Variants in FHIT observed in about 807,000 individuals in gnomAD.
The protein encoded by FHIT is fragile histidine triad diadenosine triphosphatase, also known as bis(5'-adenosyl)-triphosphatase.
A neutral mutation model predicts 17.9 loss-of-function variants in FHIT; 19 were observed. The ratio of observed to expected loss-of-function variants is 1.06; its 90% CI spans 0.74 to 1.56. FHIT has a LOEUF of 1.56. Ranked by LOEUF, FHIT falls within the 40% of genes most tolerant of loss-of-function variation. The pLI, the probability that FHIT is intolerant of heterozygous loss-of-function variation, is 0.00. For synonymous variants in FHIT, 81 were observed against 69.7 expected (o/e 1.16, Z -0.81); for missense variants, 248 against 189.2 (o/e 1.31, Z -1.82).
At chr3:61,193,844 A>G (rs1176330103) in intron 2 of FHIT, among the ~76,000 whole-genome samples, 1 of 152,194 alleles carries the variant, frequency 6.6e-6, no homozygotes, top group Non-Finnish European at 1.5e-5. Flanking sequence ...TTCCTATAAC[A>G]AAAGACAGGT....
intron 5 of FHIT, among the ~76,000 whole-genome samples, chr3:60,478,784 T>C (rs1576727368): frequency 6.6e-6 from 1 of 152,062 alleles, no homozygotes; most frequent in East Asian, 1.9e-4. Context: ...ATACATGAAA[T>C]AAAAGTATGT....
chr3:60,101,887 G>C (rs1388924857), intron 5 of FHIT, among the ~76,000 whole-genome samples: 1 of 152,150 alleles, frequency 6.6e-6, no homozygotes, highest in Admixed American at 6.5e-5. Flanking sequence ...ACTTTTTCTT[G>C]CCTCTGAAAT....
chr3:60,746,552 A>G (rs376528647), intron 4 of FHIT, among the ~76,000 whole-genome samples: 1 of 152,162 alleles, frequency 6.6e-6, no homozygotes, highest in Non-Finnish European at 1.5e-5. Flanking sequence ...GTGTCTGCCA[A>G]TCAGTCACAC....
chr3:59,847,693 T>A (rs1701771809), intron 8 of FHIT, among the ~76,000 whole-genome samples: 1 of 152,200 alleles, frequency 6.6e-6, no homozygotes, highest in South Asian at 2.1e-4. Flanking sequence ...ATGAATCGAA[T>A]AATATGATAA....
intron 3 of FHIT, among the ~76,000 whole-genome samples, chr3:60,915,316 C>T (rs1393809512): frequency 6.6e-6 from 1 of 152,118 alleles, no homozygotes; most frequent in Admixed American, 6.6e-5. Flanking sequence ...TGGGGAATGA[C>T]ACAGCTTTTG....
intron 8 of FHIT, among the ~76,000 whole-genome samples, chr3:59,764,859 TGCAAACACACAC>T (rs1361829090): frequency 2.9e-5 from 3 of 105,076 alleles, no homozygotes; most frequent in African/African-American, 9.9e-5. Flanking sequence ...GTAAGGCAAC[TGCAAACACACAC>T]ACACACACAC....
chr3:59,826,152 C>G (rs1172208832), intron 8 of FHIT, among the ~76,000 whole-genome samples: 1 of 152,210 alleles, frequency 6.6e-6, no homozygotes, highest in Non-Finnish European at 1.5e-5. Context: ...GGGTCTCACT[C>G]TGACACCCAG....
chr3:60,789,195 G>C lies in FHIT; in HGVS notation c.-18+32724C>G, dbSNP rs1252649591. Among the ~76,000 whole-genome samples, 15 of 147,046 alleles carry C rather than the reference G, an allele frequency of 1.0e-4. No individual in the cohort carries two copies. The East Asian group carries it at 2.6e-3, about 25-fold the overall frequency. On this transcript the variant is annotated intron_variant, in intron 4 of 9. Coordinates refer to ENST00000492590, the MANE Select transcript of FHIT (RefSeq NM_002012.4). ...ATATATAGAGAGAGAGAGAGAGAGA[G>C]AGAGACAGAGGAGAGAGAGAGCACA...
intron 5 of FHIT, among the ~76,000 whole-genome samples, chr3:60,449,999 C>CAAAA (rs35302096): frequency 4.6e-5 from 3 of 65,038 alleles, no homozygotes; most frequent in Non-Finnish European, 5.9e-5. Context: ...TAGACTCTGT[C>CAAAA]AAAAAAAAAA....
chr3:60,164,383 C>A (rs1002977300), intron 5 of FHIT, among the ~76,000 whole-genome samples: 2 of 152,300 alleles, frequency 1.3e-5, no homozygotes, highest in African/African-American at 4.8e-5. Context: ...CATGGCACTG[C>A]TGGGATGTGT....
At chr3:60,018,483 G>A (rs1329459352) in intron 5 of FHIT, among the ~76,000 whole-genome samples, 1 of 152,120 alleles carries the variant, frequency 6.6e-6, no homozygotes, top group Non-Finnish European at 1.5e-5. Context: ...GGAAGCCTGA[G>A]ACCAACATGC....
chr3:60,672,399 T>TG (rs1212210159), intron 4 of FHIT, among the ~76,000 whole-genome samples: 1 of 149,252 alleles, frequency 6.7e-6, no homozygotes, highest in South Asian at 2.1e-4. Context: ...CTGGCAGGAG[T>TG]GGGGGTCGCA....
chr3:60,305,968 T>C (rs1322595124), intron 5 of FHIT, among the ~76,000 whole-genome samples: 2 of 152,166 alleles, frequency 1.3e-5, no homozygotes, highest in African/African-American at 4.8e-5. Flanking sequence ...TTAATGTTTA[T>C]AAAGGTCACA....
chr3:60,068,763 G>T (rs1390311593), intron 5 of FHIT, among the ~76,000 whole-genome samples: 1 of 152,168 alleles, frequency 6.6e-6, no homozygotes. Flanking sequence ...TCCTCTACCT[G>T]ATTTTTAAGT....
chr3:60,569,749 A>ATTTTTTT (rs1553654729), intron 4 of FHIT, among the ~76,000 whole-genome samples: 2 of 62,788 alleles, frequency 3.2e-5, no homozygotes, highest in African/African-American at 1.2e-4. Flanking sequence ...ATATATATAT[A>ATTTTTTT]TATATATTTT....
chr3:61,251,275 A>T (rs1427572514), intron 1 of FHIT, 26 bp downstream of exon 1: 1 of 152,310 alleles, frequency 6.6e-6, no homozygotes. Flanking sequence ...ACAGTATTCC[A>T]CTTGGGCTTG....
intron 5 of FHIT, among the ~76,000 whole-genome samples, chr3:60,487,539 C>G (rs1444828364): frequency 1.3e-5 from 2 of 152,160 alleles, no homozygotes; most frequent in Non-Finnish European, 2.9e-5. Context: ...GAACAAAATG[C>G]AGATCTTTGG....
At chr3:60,629,891 T>C (rs1298968081) in intron 4 of FHIT, among the ~76,000 whole-genome samples, 2 of 152,208 alleles carry the variant, frequency 1.3e-5, no homozygotes, top group Non-Finnish European at 2.9e-5. Context: ...TTATTCACTC[T>C]AGTATTCTCA....
intron 3 of FHIT, among the ~76,000 whole-genome samples, chr3:60,992,277 G>C (rs566107247): frequency 6.6e-6 from 1 of 152,306 alleles, no homozygotes; most frequent in East Asian, 1.9e-4. Context: ...GTGCTGAAAA[G>C]TGCTCTATAA....
Sources: allele counts gnomAD v4.1 joint callset (sites outside exome capture counted in the v4.1 genomes callset), GRCh38; gene constraint gnomAD v4.1.1; transcripts MANE v1.5; gene names NCBI Gene and HGNC (gene_info 2026-07-23, HGNC 2026-07-21).